PROM1: variants seen among roughly 807,000 people sequenced by gnomAD.
PROM1 encodes prominin-1.
In PROM1, 105 loss-of-function variants were observed where a neutral mutation model predicts 116.9. The observed-to-expected ratio is 0.90, with a 90% confidence interval of 0.77 to 1.06. The LOEUF (loss-of-function observed/expected upper bound fraction) is 1.06. Ranked by LOEUF, PROM1 falls within the 50% of genes least tolerant of loss-of-function variation. The probability of loss-of-function intolerance (pLI) is 0.00; values close to 1 mark genes in which losing one functional copy is unlikely to be tolerated. For missense variants in PROM1, 1,122 were observed against 1,045.2 expected (o/e 1.07, Z -1.01); for synonymous variants, 393 against 387.0 (o/e 1.02, Z -0.18).
At chr4:16,037,710 C>T (rs1734260009) in intron 3 of PROM1, among the ~76,000 whole-genome samples, 1 of 152,190 alleles carries the variant, frequency 6.6e-6, no homozygotes, top group African/African-American at 2.4e-5. Context: ...GACTGAGAAC[C>T]TGGCCAACAC....
chr4:16,030,410 T>G (rs1732382073), intron 5 of PROM1, among the ~76,000 whole-genome samples: 1 of 152,200 alleles, frequency 6.6e-6, no homozygotes, highest in Non-Finnish European at 1.5e-5. Context: ...ATTTTCACAT[T>G]AATGTTTTAC....
chr4:16,061,242 G>A, intron 2 of PROM1, among the ~76,000 whole-genome samples: 1 of 152,168 alleles, frequency 6.6e-6, no homozygotes, highest in East Asian at 1.9e-4. Flanking sequence ...TGAATCATTA[G>A]GATTTTAAGA....
intron 8 of PROM1, among the ~76,000 whole-genome samples, chr4:16,021,562 G>A (rs1050645195): frequency 6.6e-6 from 1 of 152,136 alleles, no homozygotes; most frequent in Non-Finnish European, 1.5e-5. Context: ...GAAGCTTTTG[G>A]AAAACAAAAA....
chr4:15,982,663 C>G (rs1050710288), intron 23 of PROM1, among the ~76,000 whole-genome samples: 1 of 152,074 alleles, frequency 6.6e-6, no homozygotes, highest in African/African-American at 2.4e-5. Context: ...CTATGTGGTT[C>G]GACTGAATGG....
chr4:16,050,026 G>A (rs898939395), intron 2 of PROM1, among the ~76,000 whole-genome samples: 1 of 152,040 alleles, frequency 6.6e-6, no homozygotes, highest in Non-Finnish European at 1.5e-5. Context: ...ACTTTGAGAG[G>A]CCAAGGTGGG....
In PROM1 at chr4:16,035,775, C is replaced by T. The variant is rs368853623; in HGVS notation, c.277-14G>A. The T allele has an allele frequency of 4.3e-5, 69 of 1,612,854 alleles. No individual in the cohort carries two copies. The African/African-American group carries it at 4.5e-4, about 11-fold the overall frequency. On this transcript the variant is annotated splice_polypyrimidine_tract_variant and intron_variant, in intron 3 of 27. Coordinates refer to ENST00000447510, the MANE Select transcript of PROM1 (RefSeq NM_006017.3). ...TACAGTTTCTGGCTGTAGAAGTCAA[C>T]GCAGGTGAGGAATTTTGGCAGAGGC...
At chr4:16,026,708 G>C (rs1040491337) in intron 5 of PROM1, among the ~76,000 whole-genome samples, 15 of 152,140 alleles carry the variant, frequency 9.9e-5, no homozygotes, top group Middle Eastern at 6.3e-3. Context: ...AGGAGCATTG[G>C]TTCATTACTG....
chr4:16,055,677 A>G (rs998616938), intron 2 of PROM1, among the ~76,000 whole-genome samples: 1 of 152,216 alleles, frequency 6.6e-6, no homozygotes, highest in Non-Finnish European at 1.5e-5. Flanking sequence ...GAAAGGAAAC[A>G]GATGTGAAAA....
At chr4:16,057,552 G>A (rs1739337695) in intron 2 of PROM1, among the ~76,000 whole-genome samples, 1 of 152,160 alleles carries the variant, frequency 6.6e-6, no homozygotes, top group African/African-American at 2.4e-5. Context: ...TTCTTCAACA[G>A]AATCTTTGTC....
Position 15,992,406 on chromosome 4 carries a change from A to C in PROM1, c.1768-15T>G. On this transcript the variant is annotated splice_polypyrimidine_tract_variant and intron_variant, in intron 16 of 27. Coordinates refer to ENST00000447510, the MANE Select transcript of PROM1 (RefSeq NM_006017.3). The stretch of plus-strand genomic sequence containing the variant: ...CTTCCAGTATGCTGCGAAAAAAGGA[A>C]GTTACAAATCAGTCCCTTATTCTCC... 6.2e-7 allele frequency: 1 copy of C among 1,611,352 alleles called. No homozygotes were observed.
chr4:16,026,229 G>T (rs1025520571), intron 5 of PROM1, among the ~76,000 whole-genome samples: 1 of 152,062 alleles, frequency 6.6e-6, no homozygotes, highest in Non-Finnish European at 1.5e-5. Context: ...ATTTTTAAGG[G>T]CTCTTACTGT....
rs755909541 is a variant in PROM1, at chr4:16,023,419, C to T, written c.695-4G>A. On this transcript the variant is annotated splice_region_variant and splice_polypyrimidine_tract_variant and intron_variant, in intron 7 of 27. Coordinates refer to ENST00000447510, the MANE Select transcript of PROM1 (RefSeq NM_006017.3). ...CCTCCTAGCACTGAATTGATACCTA[C>T]ATGCAAATAAGCACAAAGATGGTGA... The T allele has an allele frequency of 3.8e-6, 6 of 1,587,260 alleles. No homozygotes were observed. In the South Asian group the frequency reaches 6.8e-5, roughly 18 times the overall value.
chr4:16,033,919 A>G (rs57985280), intron 4 of PROM1, among the ~76,000 whole-genome samples: 9,476 of 148,702 alleles, frequency 0.064, 480 homozygotes, highest in African/African-American at 0.14. Context: ...ATATATATAT[A>G]TGTATGTATT....
At chr4:16,057,144 A>G (rs1739240991) in intron 2 of PROM1, among the ~76,000 whole-genome samples, 1 of 152,200 alleles carries the variant, frequency 6.6e-6, no homozygotes, top group Non-Finnish European at 1.5e-5. Context: ...AAGAAACACA[A>G]TTCCTTGCCA....
At chr4:16,053,900 G>C (rs1201046674) in intron 2 of PROM1, among the ~76,000 whole-genome samples, 1 of 152,178 alleles carries the variant, frequency 6.6e-6, no homozygotes, top group African/African-American at 2.4e-5. Flanking sequence ...ATCAAGACCA[G>C]TGTGGCCAAC....
rs1721685920 is a variant in PROM1 at position 15,993,974 on chromosome 4, G to A, written c.1767+13C>T. ...GAATGTGTTATGTCGATTCCATGACGAGTTCTAATTACCTCATTAATGTTG... is the reference window on the plus strand; with the variant it reads ...GAATGTGTTATGTCGATTCCATGACAAGTTCTAATTACCTCATTAATGTTG... On this transcript the variant is annotated intron_variant, in intron 16 of 27. Transcript: ENST00000447510. 6 of 1,609,944 alleles carry A rather than the reference G, an allele frequency of 3.7e-6. No individual in the cohort carries two copies. In the African/African-American group the frequency reaches 4.0e-5, roughly 11 times the overall value.
At chr4:16,012,456 C>T (rs769879336) in intron 11 of PROM1, among the ~76,000 whole-genome samples, 3 of 152,232 alleles carry the variant, frequency 2.0e-5, no homozygotes, top group Non-Finnish European at 4.4e-5. Context: ...TACATTGATT[C>T]TGTCTCTCCA....
chr4:15,990,264 T>C (rs982510494), intron 18 of PROM1, among the ~76,000 whole-genome samples: 2 of 152,218 alleles, frequency 1.3e-5, no homozygotes, highest in African/African-American at 2.4e-5. Context: ...GAGAAATAAC[T>C]TGCCTAAGCT....
intron 15 of PROM1, among the ~76,000 whole-genome samples, chr4:15,997,215 G>GA (rs1722531215): frequency 1.4e-5 from 2 of 146,548 alleles, no homozygotes; most frequent in South Asian, 4.3e-4. Context: ...GCATTTCAAT[G>GA]AAACATATAT....
Sources: gnomAD v4.1 joint callset for allele counts (sites outside exome capture counted in the v4.1 genomes callset) on GRCh38, gnomAD v4.1.1 for gene constraint, MANE v1.5 for transcripts, NCBI Gene and HGNC (gene_info 2026-07-23, HGNC 2026-07-21) for gene names.